CD163L1: variants seen among roughly 807,000 people sequenced by gnomAD.
CD163L1 encodes the protein CD163 molecule like 1.
Under a neutral mutation model 165.4 loss-of-function variants are expected in CD163L1, and 124 were observed. That is an observed-to-expected ratio of 0.75 (90% CI 0.65 to 0.87). The LOEUF is 0.87. CD163L1 is among the 40% of genes least tolerant of loss of function. The pLI is 0.00. For synonymous variants in CD163L1, 585 were observed against 662.2 expected (o/e 0.88, Z 1.79); for missense variants, 1,525 against 1,799.9 (o/e 0.85, Z 2.76).
intron 4 of CD163L1, among the ~76,000 whole-genome samples, chr12:7,427,649 C>G (rs753295190): frequency 1.3e-5 from 2 of 151,920 alleles, no homozygotes; most frequent in African/African-American, 4.8e-5. Context: ...TTTTACATGT[C>G]CAACAAACTC....
At chr12:7,357,880 A>T (rs751758442) in intron 18 of CD163L1, among the ~76,000 whole-genome samples, 1 of 152,266 alleles carries the variant, frequency 6.6e-6, no homozygotes, top group East Asian at 1.9e-4. Flanking sequence ...CAGGATTGAG[A>T]GAAATAAAGA....
Position 7,406,675 on chromosome 12 carries a change from G to C in CD163L1, c.944C>G (p.Pro315Arg). Reference protein sequence around the residue: ...CGTALHFAGLPHLQSGSDVVW... With the variant: ...CGTALHFAGLRHLQSGSDVVW... ...AACATCAGACCCTGACTGCAAATGA[G>C]GCAAGCCAGCGAAGTGAAGTGCGGT... Residue 315 changes from proline to arginine, a missense_variant, in exon 5 of 20, where the codon CCT (proline) becomes CGT (arginine). Transcript: ENST00000313599. The C allele has an allele frequency of 6.2e-7, 1 of 1,614,080 alleles. No individual in the cohort carries two copies. Among genetic ancestry groups the C allele is most frequent in the South Asian group, 1.1e-5 (1 of 91,070 alleles).
At chr12:7,439,884 G>A (rs747861068) in intron 2 of CD163L1, 177 of 1,606,304 alleles carry the variant, frequency 1.1e-4, no homozygotes, top group Non-Finnish European at 1.5e-4. Flanking sequence ...CATTATCCCC[G>A]CCCACTACTC....
Position 7,347,686 on chromosome 12 carries a change from G to A in CD163L1, c.*25-539C>T, listed in dbSNP as rs190092259. Among the ~76,000 whole-genome samples the A allele has an allele frequency of 1.6e-3, 237 of 152,014 alleles. 2 individuals are homozygous for A. In the South Asian group the frequency reaches 0.017, roughly 11 times the overall value. On this transcript the variant is annotated intron_variant, in intron 4 of 4. Coordinates refer to the CD163L1 transcript ENST00000539726. The surrounding 1 kb of genome is among the most constrained non-coding windows in gnomAD (Gnocchi z 4.2). ...GGAGAGGCTGAGGCAGGAGAATGGC[G>A]TGAACCTGGGAGGCGGAGCTTGCAG...
chr12:7,375,363 C>T lies in CD163L1; in HGVS notation c.2919G>A (p.Glu973=), dbSNP rs1947242663. The change falls in exon 11 of 20, where the codon GAG becomes GAA. Residue 973 remains glutamate, a synonymous_variant. Transcript: ENST00000313599. ...TCATTTGACAGTTATCCAGAAGTGA[C>T]TCATTCCCTAAGCAATGAAACCTGT... ...WGHRFHCLGN[E]SLLDNCQMTV... 1 of 1,614,088 alleles carries T rather than the reference C, an allele frequency of 6.2e-7. No individual in the cohort carries two copies. Among genetic ancestry groups the T allele is most frequent in the Admixed American group, 1.7e-5 (1 of 60,010 alleles).
intron 2 of CD163L1, among the ~76,000 whole-genome samples, chr12:7,437,960 A>G (rs1948762002): frequency 6.6e-6 from 1 of 151,584 alleles, no homozygotes; most frequent in African/African-American, 2.4e-5. Flanking sequence ...AATCATGACT[A>G]TTTTACTTCT....
chr12:7,319,288 G>A, the CD163L1 span, among the ~76,000 whole-genome samples: 1 of 152,126 alleles, frequency 6.6e-6, no homozygotes, highest in African/African-American at 2.4e-5. Context: ...AGCTCAGGTG[G>A]TAATGCGGGC....
In CD163L1 at chr12:7,381,564, G is replaced by A. The variant is rs1947408734; in HGVS notation, c.2051-2266C>T. Among the ~76,000 whole-genome samples the A allele has an allele frequency of 2.6e-5, 4 of 152,148 alleles. No homozygotes were observed. In the South Asian group the frequency reaches 8.3e-4, roughly 31 times the overall value. Reference sequence around the variant, plus strand: ...GTCAAGATCTGTTTGTAATTGGCAGGAGTTTCAAAACAATAATCATGTGAG... The same window carrying A: ...GTCAAGATCTGTTTGTAATTGGCAGAAGTTTCAAAACAATAATCATGTGAG... On this transcript the variant is annotated intron_variant, in intron 8 of 19. Transcript: ENST00000313599.
rs745439396 is a variant in CD163L1, at chr12:7,373,524, T to C, written c.3526A>G (p.Ile1176Val). 2 of 1,614,218 alleles carry C rather than the reference T, an allele frequency of 1.2e-6. No individual in the cohort carries two copies. Among genetic ancestry groups the C allele is most frequent in the East Asian group, 2.2e-5 (1 of 44,888 alleles). ...SVGRRNITTA[I>V]AGIVCRQLGC... is the part of the protein sequence containing the mutation. ...AGCTGCCTGCACACAATGCCTGCTA[T>C]GGCTGTGGTGATGTTCCTCCTGCCG... The change falls in exon 14 of 20, where the codon ATA (isoleucine) becomes GTA (valine). Residue 1176 changes from isoleucine to valine, a missense_variant. By Grantham distance (29) the Ile-to-Val change is conservative (BLOSUM62 3). Transcript: ENST00000313599.
At chr12:7,362,130 A>G (rs188025965) in intron 18 of CD163L1, among the ~76,000 whole-genome samples, 1 of 147,250 alleles carries the variant, frequency 6.8e-6, no homozygotes, top group Admixed American at 6.9e-5. Context: ...GTACACTTGT[A>G]TATTATATAT....
At position 7,368,646 on chromosome 12, in the gene CD163L1, G is replaced by C. The variant is rs1212273860; in HGVS notation, c.4072+287C>G. 6.6e-6 allele frequency among the ~76,000 whole-genome samples: 1 copy of C among 150,766 alleles called. No individual in the cohort carries two copies. The highest frequency in any genetic ancestry group is 1.5e-5 in the Non-Finnish European group (1 of 67,882). ...GGTTTAAGTGATTCTCCTGAAGCTT[G>C]AGCTGTTTCTGCCAGTCTCATAAAG... is the stretch of plus-strand genomic sequence containing the variant. On this transcript the variant is annotated intron_variant, in intron 16 of 19. Transcript: ENST00000313599. The surrounding 1 kb of genome is among the most constrained non-coding windows in gnomAD (Gnocchi z 4.3).
In CD163L1 at chr12:7,439,708, G is replaced by A. The variant is rs758627701; in HGVS notation, c.124+1446C>T. The A allele has an allele frequency of 2.4e-5, 38 of 1,611,366 alleles. No individual in the cohort carries two copies. In the African/African-American group the frequency reaches 4.4e-4, roughly 19 times the overall value. Reference sequence around the variant, plus strand: ...CACTTCTTTACAGTCCTCCAGGTGAGTCTCGGGCTCCCAGGTATCGTCATC... The same window carrying A: ...CACTTCTTTACAGTCCTCCAGGTGAATCTCGGGCTCCCAGGTATCGTCATC... On this transcript the variant is annotated intron_variant, in intron 2 of 19. Transcript: ENST00000313599.
chr12:7,388,328 G>T (rs188017083), intron 8 of CD163L1, among the ~76,000 whole-genome samples: 1 of 152,164 alleles, frequency 6.6e-6, no homozygotes, highest in Non-Finnish European at 1.5e-5. Context: ...AGAGTGAAAA[G>T]ACATCCTGTT....
At chr12:7,418,343 T>C (rs1322621051) in intron 4 of CD163L1, among the ~76,000 whole-genome samples, 3 of 152,030 alleles carry the variant, frequency 2.0e-5, no homozygotes, top group Non-Finnish European at 4.4e-5. Context: ...TGAATGATAA[T>C]AGTCACACAA....
chr12:7,368,329 A>G lies in CD163L1; in HGVS notation c.4073-132T>C. The G allele has an allele frequency of 1.8e-6, 1 of 559,630 alleles. No homozygotes were observed. 34.7% of individuals were successfully genotyped at this position (559,630 alleles called of 1,614,324 possible). On this transcript the variant is annotated intron_variant, in intron 16 of 19. Coordinates refer to ENST00000313599, the MANE Select transcript of CD163L1 (RefSeq NM_174941.6). This position sits in a 1 kb window ranked among gnomAD's most constrained non-coding sequence, Gnocchi z 4.3. ...TATACATTTCAACATATTCATGAAC[A>G]GTACGTAATCTTTGAGAGCTATTTT...
downstream of CD163L1, among the ~76,000 whole-genome samples, chr12:7,352,887 C>T (rs1052285567): frequency 1.3e-5 from 2 of 151,876 alleles, no homozygotes; most frequent in Admixed American, 1.3e-4. Flanking sequence ...CTAAAATGTA[C>T]AGCTCTAAAC....
chr12:7,358,848 G>A (rs1946831752), intron 18 of CD163L1, among the ~76,000 whole-genome samples: 1 of 152,060 alleles, frequency 6.6e-6, no homozygotes, highest in Non-Finnish European at 1.5e-5. Context: ...AAAGGAAAAA[G>A]AGGACAACCT....
chr12:7,396,504 T>C (rs1220349528), intron 7 of CD163L1, 89 bp from the exon 8 acceptor site: 17 of 1,234,600 alleles, frequency 1.4e-5, no homozygotes, highest in Non-Finnish European at 1.8e-5. Context: ...CCCAGTTATT[T>C]GGTCAAACAC....
Position 7,374,609 on chromosome 12 carries a change from A to G in CD163L1, c.3242T>C (p.Val1081Ala), listed in dbSNP as rs528528931. The G allele has an allele frequency of 1.2e-6, 2 of 1,613,592 alleles. No individual in the cohort carries two copies. Among genetic ancestry groups the G allele is most frequent in the Non-Finnish European group, 1.7e-6 (2 of 1,179,908 alleles). Residue 1081 changes from valine to alanine, a missense_variant, in exon 13 of 20, where the codon GTG becomes GCG. Transcript: ENST00000313599. This position sits in a 1 kb window ranked among gnomAD's most constrained non-coding sequence, Gnocchi z 5.4. ...AGCAGAGACCGTGGCATTGAAGGCC[A>G]CTCCACAGCCCAGCTTTTGACACAC... ...HVVCQKLGCG[V>A]AFNATVSAHF...
Sources: allele counts gnomAD v4.1 joint callset (sites outside exome capture counted in the v4.1 genomes callset), GRCh38; gene constraint gnomAD v4.1.1; non-coding constraint Gnocchi (gnomAD v3.1); transcripts MANE v1.5; gene names NCBI Gene and HGNC (gene_info 2026-07-23, HGNC 2026-07-21).